Variants in EPHA4 observed in about 807,000 individuals in gnomAD.
EPHA4 encodes ephrin type-A receptor 4.
EPHA4 carries 19 observed loss-of-function variants against 108.3 expected under a neutral mutation model. The observed-to-expected ratio is 0.18, with a 90% CI of 0.12 to 0.26. The LOEUF (loss-of-function observed/expected upper bound fraction) is 0.26. Ranked by LOEUF, EPHA4 falls within the 10% of genes least tolerant of loss-of-function variation. The probability of loss-of-function intolerance (pLI) is 1.00; values close to 1 mark genes in which losing one functional copy is unlikely to be tolerated. For missense variants in EPHA4, 917 were observed against 1,254.0 expected (o/e 0.73, Z 4.06); for synonymous variants, 449 against 455.5 (o/e 0.99, Z 0.18).
intron 3 of EPHA4, among the ~76,000 whole-genome samples, chr2:221,512,222 C>T (rs1355361520): frequency 1.3e-5 from 2 of 151,694 alleles, no homozygotes; most frequent in Non-Finnish European, 2.9e-5. Context: ...CAAATGGATG[C>T]TAAAAATTAA....
At chr2:221,510,135 T>G (rs1692782812) in intron 3 of EPHA4, among the ~76,000 whole-genome samples, 1 of 152,182 alleles carries the variant, frequency 6.6e-6, no homozygotes, top group African/African-American at 2.4e-5. Context: ...CTTCAAGTTT[T>G]TTGTTTTGTT....
At chr2:221,538,321 C>A (rs953807962) in intron 3 of EPHA4, among the ~76,000 whole-genome samples, 1 of 152,128 alleles carries the variant, frequency 6.6e-6, no homozygotes, top group African/African-American at 2.4e-5. Context: ...AGTTGTATTT[C>A]ATTTTGGAGT....
rs71266317 is a variant in EPHA4, at chr2:221,444,744, C to CTTT, written c.1775-1141_1775-1139dup. ...TCCCAGTCCCTCTCTTTTTTTCTAT[C>CTTT]TTTTTTTTTTTTTTTTTTTTTTTTT... On this transcript the variant is annotated intron_variant, in intron 9 of 17. Transcript: ENST00000281821. 7.1e-4 allele frequency among the ~76,000 whole-genome samples: 53 copies of CTTT among 74,986 alleles called. 2 individuals are homozygous for CTTT. The highest frequency in any genetic ancestry group is 1.4e-3 in the South Asian group (2 of 1,396). The allele number at this position is 74,986 out of a possible 152,430, so 49.2% of individuals were successfully genotyped here.
chr2:221,477,998 C>A (rs1397113670), intron 5 of EPHA4, among the ~76,000 whole-genome samples: 2 of 152,078 alleles, frequency 1.3e-5, no homozygotes. Context: ...AGAATAGCAT[C>A]ACATGCAAAG....
chr2:221,496,691 T>C (rs1692305640), intron 4 of EPHA4, among the ~76,000 whole-genome samples: 3 of 152,180 alleles, frequency 2.0e-5, no homozygotes. Context: ...GTGGATCACC[T>C]GAGGTCCGGA....
intron 5 of EPHA4, among the ~76,000 whole-genome samples, chr2:221,475,008 T>C (rs1046785393): frequency 1.3e-5 from 2 of 152,122 alleles, no homozygotes; most frequent in Non-Finnish European, 2.9e-5. Flanking sequence ...GTAGCTGGGA[T>C]TACAGGCGTG....
Position 221,455,260 on chromosome 2 carries a change from C to T in EPHA4, c.1715+287G>A, listed in dbSNP as rs113914452. On this transcript the variant is annotated intron_variant, in intron 8 of 17. Transcript: ENST00000281821. Reference sequence around the variant, plus strand: ...AGTCCAGGCTTAAGAGAGGGATAAACGTAACACCTGGCAGCTTAAAGCATC... The same window carrying T: ...AGTCCAGGCTTAAGAGAGGGATAAATGTAACACCTGGCAGCTTAAAGCATC... Among the ~76,000 whole-genome samples, 828 of 152,244 alleles carry T rather than the reference C, an allele frequency of 5.4e-3. 9 individuals are homozygous for T. The highest frequency in any genetic ancestry group is 0.018 in the African/African-American group (758 of 41,558).
intron 17 of EPHA4, among the ~76,000 whole-genome samples, chr2:221,421,095 A>C (rs1689747340): frequency 6.6e-6 from 1 of 152,172 alleles, no homozygotes; most frequent in African/African-American, 2.4e-5. Flanking sequence ...CAGGAGATTG[A>C]GACCATCCTG....
At chr2:221,431,660 TTGA>T (rs1690080136) in intron 14 of EPHA4, among the ~76,000 whole-genome samples, 1 of 152,218 alleles carries the variant, frequency 6.6e-6, no homozygotes, top group African/African-American at 2.4e-5. Context: ...GACTCTAGAC[TTGA>T]TGAGAACATT....
chr2:221,505,795 G>A (rs1692612839), intron 3 of EPHA4, among the ~76,000 whole-genome samples: 1 of 152,158 alleles, frequency 6.6e-6, no homozygotes, highest in African/African-American at 2.4e-5. Context: ...GAAAGTGAAG[G>A]AGGATGTATC....
Position 221,522,053 on chromosome 2 carries a change from G to A in EPHA4, c.824-20881C>T, listed in dbSNP as rs140610631. On this transcript the variant is annotated intron_variant, in intron 3 of 17. Coordinates refer to ENST00000281821, the MANE Select transcript of EPHA4 (RefSeq NM_004438.5). Reference sequence around the variant, plus strand: ...TAGGCCGGAAATACAGAGCAAAAGGGAACTAGCATTTACTGAGCACTGCCT... The same window carrying A: ...TAGGCCGGAAATACAGAGCAAAAGGAAACTAGCATTTACTGAGCACTGCCT... Among the ~76,000 whole-genome samples the A allele has an allele frequency of 2.5e-4, 38 of 152,240 alleles. No individual in the cohort carries two copies. The South Asian group carries it at 3.3e-3, about 13-fold the overall frequency.
rs754103058 is a variant in EPHA4 at position 221,544,708 on chromosome 2, T to C, written c.823+19023A>G. Among the ~76,000 whole-genome samples the C allele has an allele frequency of 1.6e-4, 25 of 152,108 alleles. 1 individual carries two copies. Among genetic ancestry groups the C allele is most frequent in the Non-Finnish European group, 1.0e-4 (7 of 68,014 alleles). Reference sequence around the variant, plus strand: ...TTGTATCCCCCCTCCAAAATGTATATGTTGAAGCCCTAACCCCACAATGTG... The same window carrying C: ...TTGTATCCCCCCTCCAAAATGTATACGTTGAAGCCCTAACCCCACAATGTG... On this transcript the variant is annotated intron_variant, in intron 3 of 17. Transcript: ENST00000281821.
At chr2:221,505,774 C>CACATGCTACTCTTTCA (rs1692611823) in intron 3 of EPHA4, among the ~76,000 whole-genome samples, 1 of 152,150 alleles carries the variant, frequency 6.6e-6, no homozygotes, top group Admixed American at 6.5e-5. Flanking sequence ...CTCTTGCAAA[C>CACATGCTACTCTTTCA]GCAGGGTGCT....
Position 221,425,307 on chromosome 2 carries a change from T to G in EPHA4, c.*721A>C, listed in dbSNP as rs10196918. The G allele has an allele frequency of 0.21, 32,338 of 152,544 alleles. 3,868 individuals are homozygous for G. Among genetic ancestry groups the G allele is most frequent in the South Asian group, 0.31 (1,509 of 4,814 alleles). 9.4% of individuals were successfully genotyped at this position (152,544 alleles called of 1,614,324 possible). A position where few individuals can be genotyped will look rare whatever the true frequency, so the allele number is the denominator to read the frequency against. On this transcript the variant is annotated 3_prime_UTR_variant, in exon 17 of 18. Coordinates refer to ENST00000281821, the MANE Select transcript of EPHA4 (RefSeq NM_004438.5). ...TATCCACAAGATAGTTAGGACAAGTTTGTAAAGTCCCAAAATAAGACTTTA... is the reference window on the plus strand; with the variant it reads ...TATCCACAAGATAGTTAGGACAAGTGTGTAAAGTCCCAAAATAAGACTTTA...
At chr2:221,421,548 G>T (rs749644464) in intron 17 of EPHA4, among the ~76,000 whole-genome samples, 24 of 152,194 alleles carry the variant, frequency 1.6e-4, no homozygotes, top group Non-Finnish European at 2.9e-4. Flanking sequence ...CTAATCAGCC[G>T]CAGGCTGGAA....
At chr2:221,427,269 T>C (rs1343017478) in intron 15 of EPHA4, among the ~76,000 whole-genome samples, 10 of 152,192 alleles carry the variant, frequency 6.6e-5, no homozygotes, top group Non-Finnish European at 1.5e-5. Context: ...TTGTGGAATG[T>C]GCTTCTCGTA....
chr2:221,438,997 G>A (rs2106101742), intron 11 of EPHA4, among the ~76,000 whole-genome samples: 1 of 152,274 alleles, frequency 6.6e-6, no homozygotes, highest in South Asian at 2.1e-4. Context: ...CAAAAGTGTT[G>A]AAGAGTGGGT....
At chr2:221,524,113 A>C (rs967245907) in intron 3 of EPHA4, among the ~76,000 whole-genome samples, 2 of 152,222 alleles carry the variant, frequency 1.3e-5, no homozygotes, top group Non-Finnish European at 2.9e-5. Flanking sequence ...GGACTTGCAG[A>C]GGGCAATGCA....
chr2:221,542,248 G>T (rs1318690589), intron 3 of EPHA4, among the ~76,000 whole-genome samples: 1 of 152,156 alleles, frequency 6.6e-6, no homozygotes, highest in Admixed American at 6.5e-5. Context: ...TAAGAAGAAG[G>T]TGCAAAACTT....
Sources: allele counts gnomAD v4.1 joint callset (sites outside exome capture counted in the v4.1 genomes callset), GRCh38; gene constraint gnomAD v4.1.1; transcripts MANE v1.5; gene names NCBI Gene and HGNC (gene_info 2026-07-23, HGNC 2026-07-21).